PIEZO2: variants seen among roughly 807,000 people sequenced by gnomAD.
The protein encoded by PIEZO2 is piezo-type mechanosensitive ion channel component 2.
Under a neutral mutation model 337.3 loss-of-function variants are expected in PIEZO2, and 172 were observed. The ratio of observed to expected loss-of-function variants is 0.51; its 90% CI spans 0.45 to 0.58. The LOEUF is 0.58. PIEZO2 is among the 20% of genes least tolerant of loss of function. The pLI is 0.00. For missense variants in PIEZO2, 3,028 were observed against 3,391.3 expected (o/e 0.89, Z 2.66); for synonymous variants, 1,251 against 1,228.5 (o/e 1.02, Z -0.38).
intron 23 of PIEZO2, among the ~76,000 whole-genome samples, chr18:10,761,494 C>T (rs776974072): frequency 9.9e-5 from 15 of 152,132 alleles, no homozygotes; most frequent in Non-Finnish European, 1.5e-4. Flanking sequence ...GCTAAATGAA[C>T]GGGAAGCTGC....
intron 30 of PIEZO2, among the ~76,000 whole-genome samples, chr18:10,744,733 C>T (rs1440974526): frequency 1.3e-5 from 2 of 152,218 alleles, no homozygotes; most frequent in Non-Finnish European, 2.9e-5. Flanking sequence ...CCCTGATTCT[C>T]TTCTTCCTGT....
intron 2 of PIEZO2, among the ~76,000 whole-genome samples, chr18:10,989,786 A>G (rs2035019785): frequency 6.6e-6 from 1 of 152,152 alleles, no homozygotes; most frequent in Non-Finnish European, 1.5e-5. Context: ...TCACAAATGA[A>G]TGACATTTTA....
In PIEZO2 at chr18:10,993,913, A is replaced by G. The variant is rs1351732069; in HGVS notation, c.161-14253T>C. Among the ~76,000 whole-genome samples, 1 of 152,116 alleles carries G rather than the reference A, an allele frequency of 6.6e-6. No homozygotes were observed. The highest frequency in any genetic ancestry group is 1.5e-5 in the Non-Finnish European group (1 of 68,018). ...ACAGGTGATATTTGGTTACACAAGT[A>G]AGTTCTTTGGTAGTTATTTGTGAGA... On this transcript the variant is annotated intron_variant, in intron 2 of 55. Transcript: ENST00000674853. This position sits in a 1 kb window ranked among gnomAD's most constrained non-coding sequence, Gnocchi z 5.0.
chr18:10,912,479 T>C (rs2030568429), intron 3 of PIEZO2, among the ~76,000 whole-genome samples: 1 of 152,168 alleles, frequency 6.6e-6, no homozygotes, highest in South Asian at 2.1e-4. Flanking sequence ...TTATTGATAA[T>C]TACTGCCTTT....
intron 4 of PIEZO2, among the ~76,000 whole-genome samples, chr18:10,909,347 G>A (rs143590498): frequency 8.2e-4 from 125 of 152,262 alleles, no homozygotes; most frequent in African/African-American, 2.9e-3. Context: ...GGAGGGGCTG[G>A]GGGGCACTGA....
intron 4 of PIEZO2, among the ~76,000 whole-genome samples, chr18:10,873,092 T>C (rs527544516): frequency 2.6e-5 from 4 of 152,224 alleles, no homozygotes; most frequent in Non-Finnish European, 5.9e-5. Flanking sequence ...GATTACACAC[T>C]GTATTCGTTT....
chr18:10,999,354 G>T lies in PIEZO2; in HGVS notation c.161-19694C>A, dbSNP rs376459201. Among the ~76,000 whole-genome samples, 17 of 152,132 alleles carry T rather than the reference G, an allele frequency of 1.1e-4. No homozygotes were observed. The South Asian group carries it at 2.5e-3, about 22-fold the overall frequency. Reference sequence around the variant, plus strand: ...GAAAAACCTAGTAAAAGCACAGTTGGTCCTCCATATCTGTGGACTCCATAT... The same window carrying T: ...GAAAAACCTAGTAAAAGCACAGTTGTTCCTCCATATCTGTGGACTCCATAT... On this transcript the variant is annotated intron_variant, in intron 2 of 55. Transcript: ENST00000674853.
chr18:11,118,286 A>ACCTGGAGGGGC (rs1353664435), intron 1 of PIEZO2, among the ~76,000 whole-genome samples: 4 of 152,134 alleles, frequency 2.6e-5, no homozygotes, highest in Non-Finnish European at 4.4e-5. Flanking sequence ...CAACGCTGGG[A>ACCTGGAGGGGC]CCTGGAGGGG....
intron 2 of PIEZO2, among the ~76,000 whole-genome samples, chr18:11,054,530 C>T (rs2037646286): frequency 6.6e-6 from 1 of 151,940 alleles, no homozygotes. Flanking sequence ...AACCTTCGGG[C>T]AAAAAAGCAT....
chr18:11,051,476 A>G (rs1186980923), intron 2 of PIEZO2, among the ~76,000 whole-genome samples: 1 of 152,068 alleles, frequency 6.6e-6, no homozygotes, highest in African/African-American at 2.4e-5. Context: ...AGTGTTGCCC[A>G]GGAAGTGTAG....
intron 5 of PIEZO2, among the ~76,000 whole-genome samples, chr18:10,866,399 C>T (rs139696039): frequency 0.017 from 2,573 of 152,048 alleles, 73 homozygotes; most frequent in African/African-American, 0.055. Flanking sequence ...GATTCTCCTG[C>T]CTCAGCCTCC....
In PIEZO2 at chr18:11,031,651, A is replaced by C. The variant is rs1428484782; in HGVS notation, c.160+34476T>G. 1.3e-5 allele frequency among the ~76,000 whole-genome samples: 2 copies of C among 152,150 alleles called. No homozygotes were observed. The highest frequency in any genetic ancestry group is 2.9e-5 in the Non-Finnish European group (2 of 68,032). On this transcript the variant is annotated intron_variant, in intron 2 of 55. Transcript: ENST00000674853. This position sits in a 1 kb window ranked among gnomAD's most constrained non-coding sequence, Gnocchi z 4.7. ...ACATAGACACCAGCTACTCATAACT[A>C]ATGCTAGCATTCCAGGGCAGCATTC... is the stretch of plus-strand genomic sequence containing the variant.
intron 2 of PIEZO2, among the ~76,000 whole-genome samples, chr18:11,026,916 G>A (rs994005309): frequency 6.6e-6 from 1 of 152,194 alleles, no homozygotes; most frequent in Non-Finnish European, 1.5e-5. Flanking sequence ...GAACCACACA[G>A]GAAAAAGAGA....
In PIEZO2 at chr18:10,715,644, T is replaced by C; in HGVS notation, c.5256+6A>G. ...GGAGCAAAAAGAATTACACCAGCAG[T>C]GTTACCTTCTTAATTTCTCTGGTCA... On this transcript the variant is annotated splice_donor_region_variant and intron_variant, in intron 38 of 55. Coordinates refer to ENST00000674853, the MANE Select transcript of PIEZO2 (RefSeq NM_001378183.1). 6.6e-7 allele frequency: 1 copy of C among 1,520,342 alleles called. No homozygotes were observed. The highest frequency in any genetic ancestry group is 8.8e-7 in the Non-Finnish European group (1 of 1,140,320). The allele number at this position is 1,520,342 out of a possible 1,614,324, so 94.2% of individuals were successfully genotyped here.
At chr18:11,122,583 G>A (rs1005691994) in intron 1 of PIEZO2, among the ~76,000 whole-genome samples, 2 of 152,050 alleles carry the variant, frequency 1.3e-5, no homozygotes, top group Non-Finnish European at 2.9e-5. Flanking sequence ...GAAAAAAACC[G>A]AAGTTCTGAA....
chr18:10,729,837 G>A (rs1393365095), intron 36 of PIEZO2, among the ~76,000 whole-genome samples: 2 of 152,038 alleles, frequency 1.3e-5, no homozygotes, highest in Non-Finnish European at 2.9e-5. Context: ...TTTGTTTCAT[G>A]ATTTCATAAT....
At chr18:11,029,066 T>C (rs1162379132) in intron 2 of PIEZO2, among the ~76,000 whole-genome samples, 1 of 152,246 alleles carries the variant, frequency 6.6e-6, no homozygotes, top group Non-Finnish European at 1.5e-5. Flanking sequence ...AAAAAATTAA[T>C]TGGGAATTAC....
chr18:11,040,539 T>C (rs528749559), intron 2 of PIEZO2, among the ~76,000 whole-genome samples: 19 of 152,206 alleles, frequency 1.2e-4, no homozygotes, highest in Non-Finnish European at 2.5e-4. Context: ...AGCACAGAAG[T>C]ACTTGGCTGG....
chr18:10,899,618 T>A lies in PIEZO2; in HGVS notation c.329+11568A>T, dbSNP rs527628613. On this transcript the variant is annotated intron_variant, in intron 4 of 55. Transcript: ENST00000674853. The surrounding 1 kb of genome is among the most constrained non-coding windows in gnomAD (Gnocchi z 4.6). ...TATGAAGCCTTCTCTTGTAGCTGCC[T>A]ATTAGCACAATTCCCCTAAACATTC... 6.6e-6 allele frequency among the ~76,000 whole-genome samples: 1 copy of A among 152,314 alleles called. No homozygotes were observed. Among genetic ancestry groups the A allele is most frequent in the East Asian group, 1.9e-4 (1 of 5,172 alleles).
Sources: gnomAD v4.1 joint callset for allele counts (sites outside exome capture counted in the v4.1 genomes callset) on GRCh38, gnomAD v4.1.1 for gene constraint, Gnocchi (gnomAD v3.1) non-coding constraint, MANE v1.5 for transcripts, NCBI Gene and HGNC (gene_info 2026-07-23, HGNC 2026-07-21) for gene names.